PDGFC: variants seen among roughly 807,000 people sequenced by gnomAD.
The protein encoded by PDGFC is platelet derived growth factor C.
A neutral mutation model predicts 35.5 loss-of-function variants in PDGFC; 12 were observed. The ratio of observed to expected loss-of-function variants is 0.34; its 90% CI spans 0.22 to 0.55. PDGFC has a LOEUF of 0.55. Ranked by LOEUF, PDGFC falls within the 20% of genes least tolerant of loss-of-function variation. PDGFC has a pLI of 0.91. For synonymous variants in PDGFC, 159 were observed against 148.8 expected (o/e 1.07, Z -0.50); for missense variants, 322 against 412.4 (o/e 0.78, Z 1.90).
chr4:156,763,345 A>T, intron 5 of PDGFC, 139 bp from the exon 6 acceptor site: 3 of 393,068 alleles, frequency 7.6e-6, no homozygotes, highest in Non-Finnish European at 9.3e-6. Flanking sequence ...AGCACGCATT[A>T]TGAAAACACT....
At chr4:156,788,055 T>TTCA (rs1731177805) in intron 3 of PDGFC, among the ~76,000 whole-genome samples, 1 of 152,052 alleles carries the variant, frequency 6.6e-6, no homozygotes, top group African/African-American at 2.4e-5. Flanking sequence ...ACAACAGCAT[T>TTCA]TCATTCATGG....
At chr4:156,935,919 C>T (rs1453839070) in intron 1 of PDGFC, among the ~76,000 whole-genome samples, 1 of 152,130 alleles carries the variant, frequency 6.6e-6, no homozygotes, top group African/African-American at 2.4e-5. Context: ...GTCAAGTACA[C>T]ATTTTATAAA....
At chr4:156,844,959 C>T (rs1729290910) in intron 2 of PDGFC, among the ~76,000 whole-genome samples, 1 of 151,880 alleles carries the variant, frequency 6.6e-6, no homozygotes. Context: ...CATAAATACA[C>T]TACTGCAAAA....
chr4:156,819,416 A>G (rs1033177267), intron 2 of PDGFC, among the ~76,000 whole-genome samples: 1 of 152,186 alleles, frequency 6.6e-6, no homozygotes, highest in Non-Finnish European at 1.5e-5. Context: ...TTTACGTTGA[A>G]GCTAATGCTC....
At chr4:156,969,261 T>C (rs1399759559) in intron 1 of PDGFC, among the ~76,000 whole-genome samples, 3 of 152,256 alleles carry the variant, frequency 2.0e-5, no homozygotes, top group Admixed American at 1.3e-4. Context: ...GTTGGTCTGA[T>C]GTGTTTCCTG....
chr4:156,825,617 G>GAAGAAGAAGAAT (rs1732442625), intron 2 of PDGFC, among the ~76,000 whole-genome samples: 1 of 142,324 alleles, frequency 7.0e-6, no homozygotes, highest in African/African-American at 2.6e-5. Context: ...AGAAGAAGAA[G>GAAGAAGAAGAAT]AAGAAGAAGA....
intron 1 of PDGFC, among the ~76,000 whole-genome samples, chr4:156,874,918 A>G (rs1414864390): frequency 1.3e-5 from 2 of 151,860 alleles, no homozygotes; most frequent in Non-Finnish European, 2.9e-5. Flanking sequence ...GGTTTTTGCC[A>G]TGGTGTCCAG....
rs79491904 is a variant in PDGFC at position 156,805,255 on chromosome 4, T to C, written c.495+5582A>G. Among the ~76,000 whole-genome samples, 4 of 152,118 alleles carry C rather than the reference T, an allele frequency of 2.6e-5. No individual in the cohort carries two copies. The East Asian group carries it at 5.8e-4, about 22-fold the overall frequency. On this transcript the variant is annotated intron_variant, in intron 3 of 5. Coordinates refer to ENST00000502773, the MANE Select transcript of PDGFC (RefSeq NM_016205.3). The stretch of plus-strand genomic sequence containing the variant: ...CTCCTTGCATAAATATACAAGTATA[T>C]TGTATATTTTAATAAAAATCTAATC...
At chr4:156,951,065 T>C (rs1341513669) in intron 1 of PDGFC, among the ~76,000 whole-genome samples, 1 of 151,912 alleles carries the variant, frequency 6.6e-6, no homozygotes, top group Non-Finnish European at 1.5e-5. Flanking sequence ...AGATGCTTCT[T>C]ACACCCTTCT....
intron 3 of PDGFC, among the ~76,000 whole-genome samples, chr4:156,775,696 A>C (rs538598675): frequency 6.6e-6 from 1 of 152,352 alleles, no homozygotes; most frequent in South Asian, 2.1e-4. Flanking sequence ...AAAGATGCAC[A>C]CCTTAGGTCC....
At chr4:156,805,569 T>A (rs1403351948) in intron 3 of PDGFC, among the ~76,000 whole-genome samples, 1 of 152,118 alleles carries the variant, frequency 6.6e-6, no homozygotes, top group Non-Finnish European at 1.5e-5. Flanking sequence ...TTGCTCTAAG[T>A]ATTTTTATTC....
At chr4:156,796,682 C>T (rs1207368368) in intron 3 of PDGFC, among the ~76,000 whole-genome samples, 1 of 151,890 alleles carries the variant, frequency 6.6e-6, no homozygotes, top group Non-Finnish European at 1.5e-5. Flanking sequence ...TCTGAGTGTA[C>T]TTCCTTTTAG....
At chr4:156,964,247 A>G (rs752682375) in intron 1 of PDGFC, among the ~76,000 whole-genome samples, 2 of 151,744 alleles carry the variant, frequency 1.3e-5, no homozygotes, top group Non-Finnish European at 2.9e-5. Flanking sequence ...CCATCACTGA[A>G]TAAGCCAAAA....
At chr4:156,764,982 T>C (rs964381327) in intron 5 of PDGFC, among the ~76,000 whole-genome samples, 1 of 152,160 alleles carries the variant, frequency 6.6e-6, no homozygotes, top group African/African-American at 2.4e-5. Flanking sequence ...GAGGCCACCA[T>C]ACACGGTCCT....
chr4:156,886,152 T>C (rs950852823), intron 1 of PDGFC, among the ~76,000 whole-genome samples: 16 of 152,114 alleles, frequency 1.1e-4, no homozygotes, highest in African/African-American at 3.6e-4. Flanking sequence ...CAGTGGGGAA[T>C]AATAAGAAAA....
intron 1 of PDGFC, among the ~76,000 whole-genome samples, chr4:156,924,617 G>A (rs1489594620): frequency 6.6e-6 from 1 of 152,158 alleles, no homozygotes; most frequent in Non-Finnish European, 1.5e-5. Context: ...TAGGGAGGGG[G>A]AAGAAATGTC....
intron 1 of PDGFC, among the ~76,000 whole-genome samples, chr4:156,954,346 A>G (rs1474308908): frequency 6.6e-6 from 1 of 151,986 alleles, no homozygotes; most frequent in Non-Finnish European, 1.5e-5. Context: ...TTTTTAAAAG[A>G]CTGACTTTTT....
chr4:156,827,373 C>T (rs941560822), intron 2 of PDGFC, among the ~76,000 whole-genome samples: 5 of 150,990 alleles, frequency 3.3e-5, no homozygotes, highest in Admixed American at 6.6e-5. Flanking sequence ...GGGGAGATCA[C>T]GCCACTGCAC....
In PDGFC at chr4:156,867,111, A is replaced by AT. The variant is rs1281547423; in HGVS notation, c.119-16696dup. On this transcript the variant is annotated intron_variant, in intron 1 of 5. Coordinates refer to ENST00000502773, the MANE Select transcript of PDGFC (RefSeq NM_016205.3). ...ATCCTTATAAAGGGGTTATACTATA[A>AT]TTTTTTTAATATTTCATTTTAAAAT... Among the ~76,000 whole-genome samples the AT allele has an allele frequency of 3.3e-5, 5 of 152,208 alleles. No individual in the cohort carries two copies. In the East Asian group the frequency reaches 5.8e-4, roughly 18 times the overall value.
Sources: gnomAD v4.1 joint callset for allele counts (sites outside exome capture counted in the v4.1 genomes callset) on GRCh38, gnomAD v4.1.1 for gene constraint, MANE v1.5 for transcripts, NCBI Gene and HGNC (gene_info 2026-07-23, HGNC 2026-07-21) for gene names.